Variants in CRISPLD1 observed in about 807,000 individuals in gnomAD.
CRISPLD1 encodes the protein cysteine rich secretory protein LCCL domain containing 1, also known as cysteine-rich secretory protein LCCL domain-containing 1.
Under a neutral mutation model 77.5 loss-of-function variants are expected in CRISPLD1, and 60 were observed. That is an observed-to-expected ratio of 0.77 (90% CI 0.63 to 0.96). The LOEUF is 0.96. Among genes scored for constraint, CRISPLD1 ranks in the 40% least tolerant of loss-of-function variants. The probability of loss-of-function intolerance (pLI) is 0.00; values close to 1 mark genes in which losing one functional copy is unlikely to be tolerated. For synonymous variants in CRISPLD1, 195 were observed against 200.1 expected, an observed-to-expected ratio of 0.97 and a Z score of 0.22; for missense variants, 623 against 615.8, an observed-to-expected ratio of 1.01 and a Z score of -0.12.
At chr8:75,005,407 A>C (rs1462877829) in intron 2 of CRISPLD1, among the ~76,000 whole-genome samples, 1 of 138,212 alleles carries the variant, frequency 7.2e-6, no homozygotes, top group Non-Finnish European at 1.5e-5. Flanking sequence ...AAATTTGGAA[A>C]TAATTTAAAT....
At chr8:74,999,090 G>A (rs1457529193) in intron 2 of CRISPLD1, among the ~76,000 whole-genome samples, 1 of 152,062 alleles carries the variant, frequency 6.6e-6, no homozygotes, top group Non-Finnish European at 1.5e-5. Flanking sequence ...ACCCAAATAT[G>A]TAACTTGGAT....
chr8:75,033,900 A>G lies in CRISPLD1; in HGVS notation c.*1658A>G, dbSNP rs543503502. On this transcript the variant is annotated 3_prime_UTR_variant, in exon 15 of 15. Coordinates refer to ENST00000262207, the MANE Select transcript of CRISPLD1 (RefSeq NM_031461.6). ...GGAACTTTTTTCGAAAGGATACATG[A>G]CCACCTTCTTAAATAGTATGACTTT... is the stretch of plus-strand genomic sequence containing the variant. The G allele has an allele frequency of 1.3e-5, 2 of 152,028 alleles. No homozygotes were observed. Among genetic ancestry groups the G allele is most frequent in the Non-Finnish European group, 2.9e-5 (2 of 67,916 alleles). The allele number at this position is 152,028 out of a possible 1,614,324, so 9.4% of individuals were successfully genotyped here. A position where few individuals can be genotyped will look rare whatever the true frequency, so the allele number is the denominator to read the frequency against.
intron 2 of CRISPLD1, among the ~76,000 whole-genome samples, chr8:75,002,760 C>T (rs1812767122): frequency 6.6e-6 from 1 of 151,996 alleles, no homozygotes; most frequent in Non-Finnish European, 1.5e-5. Flanking sequence ...TAACCAGGAG[C>T]CAGGGGGCAG....
At chr8:75,018,582 C>T (rs1257397812) in intron 10 of CRISPLD1, among the ~76,000 whole-genome samples, 1 of 152,010 alleles carries the variant, frequency 6.6e-6, no homozygotes, top group Non-Finnish European at 1.5e-5. Flanking sequence ...TGAGCCACCA[C>T]ATCTGGCTTA....
chr8:74,986,074 C>T lies in CRISPLD1; in HGVS notation c.87C>T (p.Ala29=). ...TTCCAGCCATGGTGGTTCCCAATGCCACTTTATTGGAGAAACTTTTGGAAA... is the reference window on the plus strand; with the variant it reads ...TTCCAGCCATGGTGGTTCCCAATGCTACTTTATTGGAGAAACTTTTGGAAA... The part of the protein sequence containing the change: ...RAIPAMVVPN[A]TLLEKLLEKY... The change falls in exon 2 of 15, where the codon GCC becomes GCT. Residue 29 remains alanine (A), a synonymous_variant. Transcript: ENST00000262207. 1 of 1,614,112 alleles carries T rather than the reference C, an allele frequency of 6.2e-7. No homozygotes were observed. Among genetic ancestry groups the T allele is most frequent in the Admixed American group, 1.7e-5 (1 of 60,012 alleles).
intron 2 of CRISPLD1, among the ~76,000 whole-genome samples, chr8:75,000,589 T>C (rs1812723149): frequency 1.3e-5 from 2 of 152,028 alleles, no homozygotes; most frequent in Admixed American, 1.3e-4. Flanking sequence ...TCCTTTCTGC[T>C]TCCTTTAAGA....
At chr8:75,007,499 T>A (rs1486235919) in intron 2 of CRISPLD1, among the ~76,000 whole-genome samples, 1 of 152,018 alleles carries the variant, frequency 6.6e-6, no homozygotes, top group Non-Finnish European at 1.5e-5. Flanking sequence ...GCTGCATAAT[T>A]TCTCATTTCT....
intron 2 of CRISPLD1, among the ~76,000 whole-genome samples, chr8:74,989,391 G>A (rs1222661872): frequency 1.3e-5 from 2 of 152,252 alleles, no homozygotes; most frequent in African/African-American, 4.8e-5. Flanking sequence ...AAAAAATACG[G>A]CTTTGGATCT....
chr8:74,998,013 CT>C (rs1484209738), intron 2 of CRISPLD1, among the ~76,000 whole-genome samples: 2 of 152,058 alleles, frequency 1.3e-5, no homozygotes, highest in Non-Finnish European at 2.9e-5. Context: ...TAAGGGAAAG[CT>C]TTTGCTTTTT....
intron 12 of CRISPLD1, among the ~76,000 whole-genome samples, chr8:75,023,063 A>T (rs959197148): frequency 4.9e-5 from 7 of 144,022 alleles, no homozygotes; most frequent in Admixed American, 4.8e-4. Flanking sequence ...GTTTACCGGC[A>T]AATTGTAGGT....
At chr8:74,996,374 G>A (rs910501219) in intron 2 of CRISPLD1, among the ~76,000 whole-genome samples, 1 of 152,142 alleles carries the variant, frequency 6.6e-6, no homozygotes, top group African/African-American at 2.4e-5. Flanking sequence ...GAGCACTTAT[G>A]TGACACACTG....
chr8:74,995,432 ATTAC>A (rs2128781533), intron 2 of CRISPLD1, among the ~76,000 whole-genome samples: 2 of 152,314 alleles, frequency 1.3e-5, no homozygotes, highest in East Asian at 3.9e-4. Context: ...AAATTAATTC[ATTAC>A]TTATTTATCA....
intron 2 of CRISPLD1, among the ~76,000 whole-genome samples, chr8:74,991,441 T>G (rs1812572061): frequency 6.6e-6 from 1 of 152,192 alleles, no homozygotes; most frequent in Non-Finnish European, 1.5e-5. Flanking sequence ...CCACCATGAT[T>G]AGCTTATAAA....
At chr8:75,016,414 T>A (rs1253578629) in intron 6 of CRISPLD1, 151 bp from the exon 7 acceptor site, 5 of 633,902 alleles carry the variant, frequency 7.9e-6, no homozygotes, top group African/African-American at 1.8e-5. Flanking sequence ...GTACCTAAGA[T>A]CACCACCTTA....
intron 2 of CRISPLD1, among the ~76,000 whole-genome samples, chr8:74,990,566 C>G (rs769519633): frequency 2.0e-5 from 3 of 151,650 alleles, no homozygotes; most frequent in Non-Finnish European, 2.9e-5. Context: ...AGCTGACAGC[C>G]TTGTCTTTGA....
chr8:75,011,635 T>C (rs900882117), intron 2 of CRISPLD1, among the ~76,000 whole-genome samples: 1 of 152,130 alleles, frequency 6.6e-6, no homozygotes, highest in Admixed American at 6.6e-5. Flanking sequence ...ACTTAATCGG[T>C]GATTTAAATT....
chr8:74,998,487 G>A (rs937386592), intron 2 of CRISPLD1, among the ~76,000 whole-genome samples: 13 of 151,774 alleles, frequency 8.6e-5, no homozygotes, highest in Admixed American at 5.2e-4. Flanking sequence ...TCAGGAGTTC[G>A]AGACCAGTCC....
chr8:74,998,429 G>A, intron 2 of CRISPLD1, among the ~76,000 whole-genome samples: 1 of 151,918 alleles, frequency 6.6e-6, no homozygotes, highest in Non-Finnish European at 1.5e-5. Context: ...TCATACCACG[G>A]CCGGTAATAT....
rs771731910 is a variant in CRISPLD1 at position 75,014,794 on chromosome 8, G to T, written c.627-18G>T. ...TGCCATTAGACTACTTTTTAATAGA[G>T]CGTATCATCTCTTAAAGGGGAAACT... On this transcript the variant is annotated intron_variant, in intron 5 of 14. Coordinates refer to ENST00000262207, the MANE Select transcript of CRISPLD1 (RefSeq NM_031461.6). 3 of 1,546,364 alleles carry T rather than the reference G, an allele frequency of 1.9e-6. No individual in the cohort carries two copies. The highest frequency in any genetic ancestry group is 2.7e-6 in the Non-Finnish European group (3 of 1,124,892).
Sources: allele counts gnomAD v4.1 joint callset (sites outside exome capture counted in the v4.1 genomes callset), GRCh38; gene constraint gnomAD v4.1.1; transcripts MANE v1.5; gene names NCBI Gene and HGNC (gene_info 2026-07-23, HGNC 2026-07-21).